Variants in LRRC8D observed in about 807,000 individuals in gnomAD.
LRRC8D encodes leucine rich repeat containing 8 VRAC subunit D.
A neutral mutation model predicts 55.8 loss-of-function variants in LRRC8D; 20 were observed. The ratio of observed to expected loss-of-function variants is 0.36; its 90% CI spans 0.25 to 0.52. The LOEUF is 0.52. LRRC8D is among the 20% of genes least tolerant of loss of function. The pLI is 0.93. For missense variants in LRRC8D, 651 were observed against 1,030.8 expected, an observed-to-expected ratio of 0.63 and a Z score of 5.05; for synonymous variants, 352 against 377.0, an observed-to-expected ratio of 0.93 and a Z score of 0.77.
chr1:89,919,597 A>G (rs1342766205), intron 2 of LRRC8D, among the ~76,000 whole-genome samples: 1 of 152,210 alleles, frequency 6.6e-6, no homozygotes. Flanking sequence ...CAAAGCTCCC[A>G]TTACAAATCC....
intron 1 of LRRC8D, among the ~76,000 whole-genome samples, chr1:89,836,441 G>A: frequency 6.6e-6 from 1 of 152,160 alleles, no homozygotes; most frequent in South Asian, 2.1e-4. Context: ...TTCTGCCTGT[G>A]CGGCATATTT....
intron 2 of LRRC8D, among the ~76,000 whole-genome samples, chr1:89,907,406 G>C (rs781457434): frequency 4.6e-5 from 7 of 151,942 alleles, no homozygotes; most frequent in Non-Finnish European, 1.0e-4. Flanking sequence ...GGCCAGGCTG[G>C]TCTTGAACTC....
At chr1:89,831,857 G>T (rs934942407) in intron 1 of LRRC8D, among the ~76,000 whole-genome samples, 6 of 152,172 alleles carry the variant, frequency 3.9e-5, no homozygotes, top group Non-Finnish European at 8.8e-5. Context: ...GGGGAAAGCT[G>T]GCTATGTTAG....
At chr1:89,904,605 T>C (rs898349398) in intron 2 of LRRC8D, among the ~76,000 whole-genome samples, 2 of 152,230 alleles carry the variant, frequency 1.3e-5, no homozygotes, top group African/African-American at 4.8e-5. Flanking sequence ...CCTGGAGCTC[T>C]ATTGGCCACT....
intron 2 of LRRC8D, among the ~76,000 whole-genome samples, chr1:89,895,505 C>T (rs1217664583): frequency 6.6e-6 from 1 of 151,998 alleles, no homozygotes; most frequent in Admixed American, 6.6e-5. Context: ...TTCTACGTAC[C>T]ACATGTATCT....
At chr1:89,918,293 A>G (rs1200613304) in intron 2 of LRRC8D, among the ~76,000 whole-genome samples, 1 of 152,236 alleles carries the variant, frequency 6.6e-6, no homozygotes, top group Non-Finnish European at 1.5e-5. Context: ...AATAATAACC[A>G]GCAGCTGTTA....
Position 89,934,087 on chromosome 1 carries a change from A to G in LRRC8D, c.1019A>G (p.Lys340Arg). 2 of 1,614,228 alleles carry G rather than the reference A, an allele frequency of 1.2e-6. No individual in the cohort carries two copies. The highest frequency in any genetic ancestry group is 1.7e-6 in the Non-Finnish European group (2 of 1,180,042). Reference sequence around the variant, plus strand: ...GCAATCAGCTTTGAACACGTCTGCAAGCCCAAAGTTGAGCATCTGATTGGT... The same window carrying G: ...GCAATCAGCTTTGAACACGTCTGCAGGCCCAAAGTTGAGCATCTGATTGGT... ...VNAISFEHVC[K>R]PKVEHLIGYE... Residue 340 changes from lysine to arginine, a missense_variant, in exon 3 of 3, where the codon AAG (lysine) becomes AGG (arginine). By Grantham distance (26) the Lys-to-Arg change is conservative. Around this residue, in one of 5 missense-constraint regions of LRRC8D, gnomAD observed 178 missense variants for 374.9 expected, o/e 0.47. Coordinates refer to ENST00000337338, the MANE Select transcript of LRRC8D (RefSeq NM_001134479.2). The surrounding 1 kb of genome is among the most constrained non-coding windows in gnomAD (Gnocchi z 5.9).
chr1:89,852,336 G>GCTCC (rs1393966524), intron 2 of LRRC8D, among the ~76,000 whole-genome samples: 2 of 152,276 alleles, frequency 1.3e-5, no homozygotes, highest in East Asian at 3.9e-4. Context: ...ATTCCTCTGT[G>GCTCC]CTCCCCTTAG....
intron 2 of LRRC8D, among the ~76,000 whole-genome samples, chr1:89,847,228 T>G (rs999109199): frequency 6.6e-6 from 1 of 152,218 alleles, no homozygotes; most frequent in Non-Finnish European, 1.5e-5. Context: ...ATACTGCAAA[T>G]TAAAATTTGG....
At chr1:89,928,019 C>T (rs957089948) in intron 2 of LRRC8D, among the ~76,000 whole-genome samples, 4 of 152,304 alleles carry the variant, frequency 2.6e-5, no homozygotes, top group African/African-American at 9.6e-5. Context: ...GACATATTCT[C>T]TGCCTACAAG....
chr1:89,836,610 G>A (rs573898931), intron 1 of LRRC8D, among the ~76,000 whole-genome samples: 4 of 152,292 alleles, frequency 2.6e-5, no homozygotes, highest in South Asian at 4.1e-4. Flanking sequence ...GGAATAATAC[G>A]ATCATGCTCT....
rs373019712 is a variant in LRRC8D, at chr1:89,901,470, C to T, written c.-2-31597C>T. Among the ~76,000 whole-genome samples the T allele has an allele frequency of 9.8e-5, 15 of 152,344 alleles. 1 individual carries two copies. The highest frequency in any genetic ancestry group is 3.3e-4 in the Admixed American group (5 of 15,302). On this transcript the variant is annotated intron_variant, in intron 2 of 2. Transcript: ENST00000337338. ...AAATTGCTAACCTTACTCTTAACTG[C>T]ACCATTGCCCAGTCCCCAGCTGTCC...
In LRRC8D at chr1:89,878,162, A is replaced by G. The variant is rs566744404; in HGVS notation, c.-3+34380A>G. On this transcript the variant is annotated intron_variant, in intron 2 of 2. Coordinates refer to ENST00000337338, the MANE Select transcript of LRRC8D (RefSeq NM_001134479.2). ...TAGTTCCATAGACTTGCAGTGGATAAACAATATCACTTAAAAACCTCCCAG... is the reference window on the plus strand; with the variant it reads ...TAGTTCCATAGACTTGCAGTGGATAGACAATATCACTTAAAAACCTCCCAG... Among the ~76,000 whole-genome samples the G allele has an allele frequency of 9.8e-5, 15 of 152,348 alleles. No homozygotes were observed. The South Asian group carries it at 2.9e-3, about 29-fold the overall frequency.
rs557403030 is a variant in LRRC8D at position 89,864,367 on chromosome 1, AG to A, written c.-3+20586del. ...CCATCTTTGAATGCAGGTGGTCCTC[AG>A]TTTACAAGGAGTTGTAATTCTTCCT... On this transcript the variant is annotated intron_variant, in intron 2 of 2. Transcript: ENST00000337338. Among the ~76,000 whole-genome samples, 1,121 of 152,326 alleles carry A rather than the reference AG, an allele frequency of 7.4e-3. 12 individuals are homozygous for A. Among genetic ancestry groups the A allele is most frequent in the African/African-American group, 0.026 (1,082 of 41,566 alleles).
Position 89,839,486 on chromosome 1 carries a change from A to AT in LRRC8D, c.-147-4143dup, listed in dbSNP as rs1002178244. Among the ~76,000 whole-genome samples, 18 of 151,752 alleles carry AT rather than the reference A, an allele frequency of 1.2e-4. No individual in the cohort carries two copies. In the South Asian group the frequency reaches 1.5e-3, roughly 12 times the overall value. ...AATCAGGAAACTATCTTACAGGCATATTTTTTTTTAAACATGATTTGCGAC... is the reference window on the plus strand; with the variant it reads ...AATCAGGAAACTATCTTACAGGCATATTTTTTTTTTAAACATGATTTGCGAC... On this transcript the variant is annotated intron_variant, in intron 1 of 2. Coordinates refer to ENST00000337338, the MANE Select transcript of LRRC8D (RefSeq NM_001134479.2).
At chr1:89,895,443 G>A (rs1454242494) in intron 2 of LRRC8D, among the ~76,000 whole-genome samples, 1 of 152,062 alleles carries the variant, frequency 6.6e-6, no homozygotes, top group African/African-American at 2.4e-5. Flanking sequence ...ACTTGAGTTA[G>A]CCCTGTGCAA....
At chr1:89,927,436 T>C (rs557643138) in intron 2 of LRRC8D, among the ~76,000 whole-genome samples, 1 of 152,376 alleles carries the variant, frequency 6.6e-6, no homozygotes, top group Non-Finnish European at 1.5e-5. Context: ...CATCTTTTAT[T>C]CTACAGTTGA....
chr1:89,904,180 C>T (rs1239263353), intron 2 of LRRC8D, among the ~76,000 whole-genome samples: 1 of 152,220 alleles, frequency 6.6e-6, no homozygotes, highest in Non-Finnish European at 1.5e-5. Context: ...CTCACCCTCT[C>T]CCAATACTTC....
At chr1:89,827,802 C>T (rs2100698701) in intron 1 of LRRC8D, among the ~76,000 whole-genome samples, 1 of 152,308 alleles carries the variant, frequency 6.6e-6, no homozygotes, top group South Asian at 2.1e-4. Flanking sequence ...TTGCACGTGG[C>T]AGGCCCTCTA....
Sources: gnomAD v4.1 joint callset for allele counts (sites outside exome capture counted in the v4.1 genomes callset) on GRCh38, gnomAD v4.1.1 for gene constraint, gnomAD v4.1.1 regional missense constraint, Gnocchi (gnomAD v3.1) non-coding constraint, MANE v1.5 for transcripts, NCBI Gene and HGNC (gene_info 2026-07-23, HGNC 2026-07-21) for gene names.